Variants in TCF20 observed in about 807,000 individuals in gnomAD.
TCF20 encodes the protein transcription factor 20.
In TCF20, 3 loss-of-function variants were observed where a neutral mutation model predicts 148.6. The ratio of observed to expected loss-of-function variants is 0.02; its 90% CI spans 0.01 to 0.05. TCF20 has a LOEUF of 0.05. TCF20 is among the 10% of genes least tolerant of loss of function. The probability of loss-of-function intolerance (pLI) is 1.00; values close to 1 mark genes in which losing one functional copy is unlikely to be tolerated. For synonymous variants in TCF20, 1,049 were observed against 909.5 expected (o/e 1.15, Z -2.76); for missense variants, 2,350 against 2,429.3 (o/e 0.97, Z 0.69).
intron 3 of TCF20, among the ~76,000 whole-genome samples, chr22:42,170,626 C>CATAAAAAAA (rs1936073006): frequency 1.4e-5 from 1 of 72,100 alleles, no homozygotes; most frequent in African/African-American, 6.1e-5. Context: ...GACTCCGTCT[C>CATAAAAAAA]AAAAAAAAAA....
intron 2 of TCF20, among the ~76,000 whole-genome samples, chr22:42,200,596 C>T (rs182743874): frequency 8.3e-4 from 119 of 143,326 alleles, no homozygotes; most frequent in Non-Finnish European, 1.4e-3. Flanking sequence ...GAGCCGAGAA[C>T]GTGCCACTGC....
At chr22:42,312,186 C>T (rs1352796964) in intron 1 of TCF20, among the ~76,000 whole-genome samples, 1 of 152,190 alleles carries the variant, frequency 6.6e-6, no homozygotes, top group African/African-American at 2.4e-5. Context: ...AAGGTGCCAT[C>T]ATGGATGAGT....
chr22:42,187,285 C>G (rs927764230), intron 2 of TCF20, among the ~76,000 whole-genome samples: 1 of 152,192 alleles, frequency 6.6e-6, no homozygotes, highest in African/African-American at 2.4e-5. Context: ...AACACTCACA[C>G]AAACTTTCTT....
chr22:42,206,818 G>C (rs1283328273), intron 2 of TCF20, among the ~76,000 whole-genome samples: 1 of 151,998 alleles, frequency 6.6e-6, no homozygotes, highest in African/African-American at 2.4e-5. Context: ...ATAGTCTATG[G>C]GCACTTCTTT....
chr22:42,252,485 C>A (rs1424061477), intron 1 of TCF20, among the ~76,000 whole-genome samples: 1 of 152,034 alleles, frequency 6.6e-6, no homozygotes, highest in Non-Finnish European at 1.5e-5. Flanking sequence ...CTGAGTCCAG[C>A]TCTGTCGCCA....
At chr22:42,284,711 A>G (rs905639194), upstream of TCF20, among the ~76,000 whole-genome samples, 4 of 152,186 alleles carry the variant, frequency 2.6e-5, no homozygotes, top group Non-Finnish European at 5.9e-5. Flanking sequence ...AGGCCACAGC[A>G]AGAGGAGGCC....
chr22:42,278,128 G>A (rs1926819978), intron 1 of TCF20: 1 of 152,272 alleles, frequency 6.6e-6, no homozygotes, highest in South Asian at 2.1e-4. Context: ...TCCCACTGCT[G>A]TGCACACCCA....
intron 1 of TCF20, among the ~76,000 whole-genome samples, chr22:42,342,492 C>CT (rs1441381131): frequency 6.6e-6 from 1 of 152,198 alleles, no homozygotes; most frequent in Non-Finnish European, 1.5e-5. Flanking sequence ...GTTCAAAACT[C>CT]TGAGCAGCAC....
At chr22:42,323,863 G>GTGGTGGAGGTGGTGATGGAGGTTA (rs1569209597) in intron 1 of TCF20, among the ~76,000 whole-genome samples, 1 of 113,870 alleles carries the variant, frequency 8.8e-6, no homozygotes, top group Non-Finnish European at 2.0e-5. Context: ...GGAGGTTATG[G>GTGGTGGAGGTGGTGATGGAGGTTA]TGGTGGTGGT....
At chr22:42,174,927 G>A (rs1157792947) in intron 3 of TCF20, among the ~76,000 whole-genome samples, 1 of 151,894 alleles carries the variant, frequency 6.6e-6, no homozygotes, top group African/African-American at 2.4e-5. Context: ...CCCAGCTGCT[G>A]GGGCGGCTGA....
intron 1 of TCF20, among the ~76,000 whole-genome samples, chr22:42,242,224 A>AAAAAAAAAAAAAAAAAAAAC (rs1555942548): frequency 6.8e-6 from 1 of 147,694 alleles, no homozygotes; most frequent in African/African-American, 2.6e-5. Context: ...AAAAAAAAAA[A>AAAAAAAAAAAAAAAAAAAAC]AAACAGAAAA....
chr22:42,201,068 T>C (rs1937977791), intron 2 of TCF20, among the ~76,000 whole-genome samples: 1 of 152,210 alleles, frequency 6.6e-6, no homozygotes, highest in African/African-American at 2.4e-5. Flanking sequence ...TCACAAGACC[T>C]GGTTGTTTGA....
chr22:42,328,854 C>T (rs1312953753), intron 1 of TCF20, among the ~76,000 whole-genome samples: 3 of 152,202 alleles, frequency 2.0e-5, no homozygotes, highest in Non-Finnish European at 4.4e-5. Flanking sequence ...AGGGCATCCC[C>T]GGTGAAAGTC....
chr22:42,161,952 C>A (rs1935486102), intron 5 of TCF20, among the ~76,000 whole-genome samples: 1 of 144,950 alleles, frequency 6.9e-6, no homozygotes, highest in South Asian at 2.2e-4. Context: ...TACACGCCAC[C>A]ATGCTTGGCT....
upstream of TCF20, among the ~76,000 whole-genome samples, chr22:42,273,360 CAAAAAAAAA>C (rs35166029): frequency 3.3e-4 from 20 of 61,268 alleles, no homozygotes; most frequent in African/African-American, 1.9e-4. Context: ...AACTCCGTCT[CAAAAAAAAA>C]AAAAAAAAAA....
In TCF20 at chr22:42,297,328, G is replaced by A. The variant is rs1024042405; in HGVS notation, c.-37+46151C>T. 1.3e-5 allele frequency among the ~76,000 whole-genome samples: 2 copies of A among 152,258 alleles called. No homozygotes were observed. Among genetic ancestry groups the A allele is most frequent in the Non-Finnish European group, 2.9e-5 (2 of 68,034 alleles). On this transcript the variant is annotated intron_variant, in intron 1 of 1. Coordinates refer to the TCF20 transcript ENST00000515426. The surrounding 1 kb of genome is among the most constrained non-coding windows in gnomAD (Gnocchi z 4.3). ...GCCTGAGCAGAGGTCAGACTCCCTA[G>A]CTGGCTTAAGGGTTGGTCATATTCA...
chr22:42,184,140 G>T (rs898159527), intron 2 of TCF20, among the ~76,000 whole-genome samples: 16 of 151,988 alleles, frequency 1.1e-4, no homozygotes, highest in African/African-American at 3.4e-4. Flanking sequence ...TAGGCAAATT[G>T]TGACATCAGG....
At chr22:42,241,502 G>C (rs142653739) in intron 1 of TCF20, among the ~76,000 whole-genome samples, 1 of 152,222 alleles carries the variant, frequency 6.6e-6, no homozygotes, top group African/African-American at 2.4e-5. Context: ...TAAGATATTG[G>C]TAAGAACTAT....
intron 1 of TCF20, among the ~76,000 whole-genome samples, chr22:42,298,484 C>T (rs575869107): frequency 1.3e-5 from 2 of 152,326 alleles, no homozygotes; most frequent in African/African-American, 4.8e-5. Context: ...ACTCCAGGGC[C>T]GAAGCCTCCT....
Sources: gnomAD v4.1 joint callset for allele counts (sites outside exome capture counted in the v4.1 genomes callset) on GRCh38, gnomAD v4.1.1 for gene constraint, Gnocchi (gnomAD v3.1) non-coding constraint, MANE v1.5 for transcripts, NCBI Gene and HGNC (gene_info 2026-07-23, HGNC 2026-07-21) for gene names.